Variants in KCNH1 observed in about 807,000 individuals in gnomAD.
The protein encoded by KCNH1 is potassium voltage-gated channel subfamily H member 1.
A neutral mutation model predicts 69.2 loss-of-function variants in KCNH1; 27 were observed. The ratio of observed to expected loss-of-function variants is 0.39; its 90% CI spans 0.29 to 0.54. The LOEUF (loss-of-function observed/expected upper bound fraction) is 0.54. Among genes scored for constraint, KCNH1 ranks in the 20% least tolerant of loss-of-function variants. KCNH1 has a pLI of 0.68. For synonymous variants in KCNH1, 456 were observed against 487.7 expected (o/e 0.93, Z 0.86); for missense variants, 798 against 1,261.6 (o/e 0.63, Z 5.57).
rs565795480 is a variant in KCNH1, at chr1:210,924,035, T to C, written c.1033-3966A>G. ...GAAAATATTATGTAACAGATGCAGA[T>C]ACAGGGACTGGAGTGATACAAATAC... is the stretch of plus-strand genomic sequence containing the variant. On this transcript the variant is annotated intron_variant, in intron 6 of 10. Transcript: ENST00000271751. Among the ~76,000 whole-genome samples the C allele has an allele frequency of 3.2e-4, 48 of 152,276 alleles. 1 individual carries two copies. The highest frequency in any genetic ancestry group is 3.1e-3 in the South Asian group (15 of 4,822).
chr1:210,725,612 G>A (rs565982052), intron 10 of KCNH1, among the ~76,000 whole-genome samples: 1 of 152,258 alleles, frequency 6.6e-6, no homozygotes, highest in East Asian at 1.9e-4. Flanking sequence ...AGGTATGAAC[G>A]ATGAACAGGC....
chr1:211,104,249 C>A (rs1329367513), intron 2 of KCNH1, among the ~76,000 whole-genome samples: 1 of 152,074 alleles, frequency 6.6e-6, no homozygotes, highest in Non-Finnish European at 1.5e-5. Flanking sequence ...AATGGGAGCA[C>A]AATGGGAGGG....
chr1:210,775,310 C>T, intron 10 of KCNH1, 38 bp downstream of exon 10: 5 of 1,568,078 alleles, frequency 3.2e-6, no homozygotes, highest in South Asian at 2.3e-5. Flanking sequence ...TGTACAGAGA[C>T]TGTTCTTTGT....
intron 8 of KCNH1, among the ~76,000 whole-genome samples, chr1:210,800,469 G>A (rs1684405862): frequency 6.6e-6 from 1 of 152,196 alleles, no homozygotes. Flanking sequence ...GGCTGCTAGT[G>A]AATGAGGCCT....
chr1:210,878,379 A>G (rs1370256909), intron 7 of KCNH1, among the ~76,000 whole-genome samples: 1 of 152,122 alleles, frequency 6.6e-6, no homozygotes, highest in Non-Finnish European at 1.5e-5. Context: ...ATTCACCAAG[A>G]TAGAACACAT....
intron 10 of KCNH1, among the ~76,000 whole-genome samples, chr1:210,724,448 A>G (rs1682542487): frequency 6.6e-6 from 1 of 152,170 alleles, no homozygotes; most frequent in African/African-American, 2.4e-5. Context: ...CTGCAATATT[A>G]TCAGTCAAAA....
chr1:210,731,886 G>A (rs773760048), intron 10 of KCNH1, among the ~76,000 whole-genome samples: 2 of 152,146 alleles, frequency 1.3e-5, no homozygotes, highest in Non-Finnish European at 2.9e-5. Context: ...CACCCACACT[G>A]AGAAGGAGAG....
At chr1:211,012,704 C>T (rs554967294) in intron 6 of KCNH1, among the ~76,000 whole-genome samples, 1 of 152,280 alleles carries the variant, frequency 6.6e-6, no homozygotes, top group South Asian at 2.1e-4. Context: ...TGATATGCAT[C>T]ATTACACACT....
chr1:210,993,523 C>G lies in KCNH1; in HGVS notation c.1032+25260G>C, dbSNP rs370985692. On this transcript the variant is annotated intron_variant, in intron 6 of 10. Coordinates refer to ENST00000271751, the MANE Select transcript of KCNH1 (RefSeq NM_172362.3). Reference sequence around the variant, plus strand: ...ATACTCTCTTCCCTCCTAACCAACACCCTGAGATACACTTCAGCTAATGTG... The same window carrying G: ...ATACTCTCTTCCCTCCTAACCAACAGCCTGAGATACACTTCAGCTAATGTG... Among the ~76,000 whole-genome samples the G allele has an allele frequency of 4.6e-5, 7 of 152,296 alleles. No individual in the cohort carries two copies. In the South Asian group the frequency reaches 6.2e-4, roughly 14 times the overall value.
chr1:210,836,084 C>T (rs558639657), intron 7 of KCNH1, among the ~76,000 whole-genome samples: 116 of 137,434 alleles, frequency 8.4e-4, no homozygotes, highest in Admixed American at 1.4e-3. Context: ...TGCACTCCAG[C>T]CTAAGCAGCA....
chr1:210,857,154 G>A (rs1257781766), intron 7 of KCNH1, among the ~76,000 whole-genome samples: 1 of 151,768 alleles, frequency 6.6e-6, no homozygotes, highest in Non-Finnish European at 1.5e-5. Context: ...GAGAAGCACT[G>A]GCTTAGAGCA....
chr1:210,958,087 A>G (rs981541426), intron 6 of KCNH1, among the ~76,000 whole-genome samples: 4 of 152,088 alleles, frequency 2.6e-5, no homozygotes, highest in African/African-American at 7.2e-5. Flanking sequence ...TTCCTTCAGG[A>G]GCTCTTGTAA....
chr1:211,082,770 T>C lies in KCNH1; in HGVS notation c.558+10A>G, dbSNP rs749947007. On this transcript the variant is annotated intron_variant, in intron 5 of 10. Coordinates refer to ENST00000271751, the MANE Select transcript of KCNH1 (RefSeq NM_172362.3). Reference sequence around the variant, plus strand: ...GTGAGGCTCAAGATGAGCTAACCCTTTGCCCTTACCTCTGCCAGGCGGGAG... The same window carrying C: ...GTGAGGCTCAAGATGAGCTAACCCTCTGCCCTTACCTCTGCCAGGCGGGAG... The C allele has an allele frequency of 1.0e-5, 16 of 1,607,672 alleles. No individual in the cohort carries two copies. The highest frequency in any genetic ancestry group is 1.3e-5 in the African/African-American group (1 of 74,840).
intron 1 of KCNH1, among the ~76,000 whole-genome samples, chr1:211,112,930 G>C (rs1187372843): frequency 6.6e-6 from 1 of 152,154 alleles, no homozygotes; most frequent in Admixed American, 6.5e-5. Flanking sequence ...CTGTTTATAA[G>C]TTAGGGGCTA....
chr1:211,081,061 C>T (rs1353903926), intron 5 of KCNH1, among the ~76,000 whole-genome samples: 1 of 152,136 alleles, frequency 6.6e-6, no homozygotes, highest in Admixed American at 6.6e-5. Context: ...TTTTTGCAAT[C>T]TACCCATCTG....
chr1:210,921,707 A>G (rs1687462786), intron 6 of KCNH1, among the ~76,000 whole-genome samples: 1 of 152,160 alleles, frequency 6.6e-6, no homozygotes, highest in African/African-American at 2.4e-5. Context: ...TTTTCTCTAC[A>G]TGCTTCTCCT....
At chr1:210,968,315 C>T (rs1157761458) in intron 6 of KCNH1, among the ~76,000 whole-genome samples, 1 of 135,314 alleles carries the variant, frequency 7.4e-6, no homozygotes, top group Non-Finnish European at 1.5e-5. Flanking sequence ...GTGAATAATG[C>T]CGCAATAAAC....
chr1:210,856,222 A>T (rs1350955302), intron 7 of KCNH1, among the ~76,000 whole-genome samples: 1 of 152,210 alleles, frequency 6.6e-6, no homozygotes, highest in African/African-American at 2.4e-5. Flanking sequence ...ACCACTCTTC[A>T]GAGAAATTTG....
chr1:211,090,528 C>T (rs1172219550), intron 4 of KCNH1, 34 bp downstream of exon 4: 1 of 1,561,734 alleles, frequency 6.4e-7, no homozygotes, highest in Non-Finnish European at 8.6e-7. Flanking sequence ...ACAAAAAAGG[C>T]ATAAATGTAT....
Sources: gnomAD v4.1 joint callset for allele counts (sites outside exome capture counted in the v4.1 genomes callset) on GRCh38, gnomAD v4.1.1 for gene constraint, MANE v1.5 for transcripts, NCBI Gene and HGNC (gene_info 2026-07-23, HGNC 2026-07-21) for gene names.